EBF1: variants seen among roughly 807,000 people sequenced by gnomAD.
The protein encoded by EBF1 is transcription factor COE1.
In EBF1, 10 loss-of-function variants were observed where a neutral mutation model predicts 68.4. The ratio of observed to expected loss-of-function variants is 0.15; its 90% CI spans 0.09 to 0.25. The LOEUF (loss-of-function observed/expected upper bound fraction) is 0.25, where lower values mean the gene tolerates loss of function less well. Ranked by LOEUF, EBF1 falls within the 10% of genes least tolerant of loss-of-function variation. The pLI is 1.00. For missense variants in EBF1, 509 were observed against 794.4 expected, an observed-to-expected ratio of 0.64 and a Z score of 4.32; for synonymous variants, 298 against 299.8, an observed-to-expected ratio of 0.99 and a Z score of 0.06.
intron 7 of EBF1, among the ~76,000 whole-genome samples, chr5:158,835,305 C>T (rs1788510686): frequency 6.6e-6 from 1 of 152,172 alleles, no homozygotes; most frequent in Admixed American, 6.5e-5. Context: ...GAGGAGCTCT[C>T]TTGCCTTGGA....
intron 6 of EBF1, among the ~76,000 whole-genome samples, chr5:158,933,937 T>C (rs577248608): frequency 2.0e-5 from 3 of 152,394 alleles, no homozygotes; most frequent in African/African-American, 7.2e-5. Context: ...TCTGCGTTGA[T>C]GTCACAATGC....
At chr5:158,719,423 C>T (rs746747455) in intron 11 of EBF1, among the ~76,000 whole-genome samples, 3 of 152,122 alleles carry the variant, frequency 2.0e-5, no homozygotes, top group Non-Finnish European at 4.4e-5. Context: ...ACATTGGGAA[C>T]CAGGCATATC....
chr5:159,023,115 T>C (rs1462386337), intron 6 of EBF1, among the ~76,000 whole-genome samples: 1 of 151,922 alleles, frequency 6.6e-6, no homozygotes, highest in Non-Finnish European at 1.5e-5. Context: ...ATAACAGCTG[T>C]GCTTCACTGC....
intron 6 of EBF1, among the ~76,000 whole-genome samples, chr5:158,877,916 A>T (rs934202272): frequency 6.6e-6 from 1 of 151,854 alleles, no homozygotes; most frequent in Non-Finnish European, 1.5e-5. Flanking sequence ...TGCCTGCAAA[A>T]CCAGCAAGGA....
intron 6 of EBF1, among the ~76,000 whole-genome samples, chr5:158,958,441 C>G (rs935966841): frequency 6.6e-6 from 1 of 152,126 alleles, no homozygotes; most frequent in African/African-American, 2.4e-5. Context: ...GTTCCGATCA[C>G]AGAGTTCAGT....
chr5:159,042,569 A>G (rs1179032934), intron 6 of EBF1, among the ~76,000 whole-genome samples: 1 of 144,836 alleles, frequency 6.9e-6, no homozygotes, highest in Non-Finnish European at 1.5e-5. Flanking sequence ...TCCCAAAGGA[A>G]AAAAAAAATT....
intron 6 of EBF1, among the ~76,000 whole-genome samples, chr5:159,046,219 T>C (rs1334574542): frequency 6.6e-6 from 1 of 152,192 alleles, no homozygotes; most frequent in Non-Finnish European, 1.5e-5. Context: ...TATCAGTTAC[T>C]CTTGGTTTGC....
chr5:158,793,520 CCT>C (rs1779062738), intron 9 of EBF1, among the ~76,000 whole-genome samples: 1 of 151,916 alleles, frequency 6.6e-6, no homozygotes, highest in South Asian at 2.1e-4. Flanking sequence ...GTCATTCTTC[CCT>C]CTCTCAAGAT....
At chr5:158,792,486 G>T (rs1027742891) in intron 9 of EBF1, among the ~76,000 whole-genome samples, 4 of 151,772 alleles carry the variant, frequency 2.6e-5, no homozygotes, top group Middle Eastern at 3.2e-3. Context: ...ATTTTCTCTG[G>T]CTCTTTAAAA....
chr5:158,859,913 C>T (rs1223049936), intron 6 of EBF1, among the ~76,000 whole-genome samples: 2 of 152,184 alleles, frequency 1.3e-5, no homozygotes, highest in African/African-American at 2.4e-5. Flanking sequence ...AGATTTTAAC[C>T]GTCTATGTGA....
chr5:158,916,846 G>C (rs1395643543), intron 6 of EBF1, among the ~76,000 whole-genome samples: 1 of 152,126 alleles, frequency 6.6e-6, no homozygotes, highest in Admixed American at 6.6e-5. Flanking sequence ...CCAGCTCAGC[G>C]GGTATACATT....
At chr5:158,801,725 T>C (rs997862530) in intron 8 of EBF1, among the ~76,000 whole-genome samples, 12 of 151,386 alleles carry the variant, frequency 7.9e-5, no homozygotes, top group Non-Finnish European at 1.3e-4. Context: ...ATTTAACAAC[T>C]AATGTTCTGT....
chr5:158,709,207 T>C (rs1758593762), intron 14 of EBF1, among the ~76,000 whole-genome samples: 1 of 152,262 alleles, frequency 6.6e-6, no homozygotes, highest in Admixed American at 6.5e-5. Flanking sequence ...TCTTCTATGT[T>C]ATTATTTTTT....
chr5:159,071,446 A>C (rs569733918), intron 6 of EBF1, among the ~76,000 whole-genome samples: 1 of 152,350 alleles, frequency 6.6e-6, no homozygotes, highest in South Asian at 2.1e-4. Context: ...TATTTTGCCT[A>C]AATTGTTTGA....
At chr5:159,073,277 A>G (rs1161943783) in intron 6 of EBF1, 119 bp downstream of exon 6, 1 of 1,052,338 alleles carries the variant, frequency 9.5e-7, no homozygotes, top group Non-Finnish European at 1.4e-6. Context: ...AGCGTAAGTC[A>G]TGACCAACAG....
chr5:158,825,828 A>G (rs1785982581), intron 7 of EBF1, among the ~76,000 whole-genome samples: 1 of 152,136 alleles, frequency 6.6e-6, no homozygotes, highest in Admixed American at 6.5e-5. Context: ...CAACTTCCCT[A>G]CCACAAAACA....
intron 6 of EBF1, among the ~76,000 whole-genome samples, chr5:158,953,106 GTTTATA>G (rs774522327): frequency 3.3e-5 from 5 of 151,960 alleles, no homozygotes; most frequent in African/African-American, 4.8e-5. Flanking sequence ...TAAGACATGA[GTTTATA>G]TTTATAAGCT....
At chr5:158,919,453 T>C (rs1353520541) in intron 6 of EBF1, among the ~76,000 whole-genome samples, 3 of 152,122 alleles carry the variant, frequency 2.0e-5, no homozygotes, top group African/African-American at 7.2e-5. Flanking sequence ...TGTCACCAAA[T>C]AATGTGCTGG....
intron 7 of EBF1, among the ~76,000 whole-genome samples, chr5:158,828,829 A>G (rs188668134): frequency 1.3e-3 from 203 of 152,358 alleles, no homozygotes; most frequent in African/African-American, 3.8e-3. Context: ...CTGGTAATCC[A>G]TATAATAGAA....
Sources: gnomAD v4.1 joint callset for allele counts (sites outside exome capture counted in the v4.1 genomes callset) on GRCh38, gnomAD v4.1.1 for gene constraint, MANE v1.5 for transcripts, NCBI Gene and HGNC (gene_info 2026-07-23, HGNC 2026-07-21) for gene names.